GALNT14: variants seen among roughly 807,000 people sequenced by gnomAD.
The protein encoded by GALNT14 is polypeptide N-acetylgalactosaminyltransferase 14.
In GALNT14, 60 loss-of-function variants were observed where a neutral mutation model predicts 77.5. That is an observed-to-expected ratio of 0.77 (90% CI 0.63 to 0.96). The LOEUF (loss-of-function observed/expected upper bound fraction) is 0.96. Among genes scored for constraint, GALNT14 ranks in the 40% least tolerant of loss-of-function variants. The probability of loss-of-function intolerance (pLI) is 0.00; values close to 1 mark genes in which losing one functional copy is unlikely to be tolerated. For synonymous variants in GALNT14, 280 were observed against 281.7 expected, an observed-to-expected ratio of 0.99 and a Z score of 0.06; for missense variants, 710 against 731.0, an observed-to-expected ratio of 0.97 and a Z score of 0.33.
chr2:31,003,360 T>A (rs943726649), intron 1 of GALNT14, among the ~76,000 whole-genome samples: 3 of 152,196 alleles, frequency 2.0e-5, no homozygotes, highest in Non-Finnish European at 4.4e-5. Flanking sequence ...ATGAGTTTAC[T>A]TTTCTGTTCT....
chr2:31,069,977 A>G (rs1463168410), intron 1 of GALNT14, among the ~76,000 whole-genome samples: 1 of 152,074 alleles, frequency 6.6e-6, no homozygotes, highest in Non-Finnish European at 1.5e-5. Flanking sequence ...GAAGAGGAGG[A>G]GGATGGCTTA....
intron 9 of GALNT14, among the ~76,000 whole-genome samples, chr2:30,935,928 GTCA>G (rs1666030322): frequency 6.6e-6 from 1 of 152,170 alleles, no homozygotes; most frequent in African/African-American, 2.4e-5. Context: ...CACCTGCACA[GTCA>G]TCATTTCTGA....
chr2:30,960,996 CACAG>C (rs1667658323), intron 3 of GALNT14, among the ~76,000 whole-genome samples: 1 of 152,344 alleles, frequency 6.6e-6, no homozygotes, highest in African/African-American at 2.4e-5. Flanking sequence ...AGGGCAGGTA[CACAG>C]GTGGCTTCTA....
intron 1 of GALNT14, among the ~76,000 whole-genome samples, chr2:31,130,783 T>A (rs71444481): frequency 8.4e-6 from 1 of 118,634 alleles, no homozygotes; most frequent in Non-Finnish European, 1.7e-5. Context: ...TGTGTGTGTG[T>A]GCGCGCGCAC....
chr2:31,127,168 C>A (rs1678744145), intron 1 of GALNT14, among the ~76,000 whole-genome samples: 1 of 152,144 alleles, frequency 6.6e-6, no homozygotes, highest in African/African-American at 2.4e-5. Flanking sequence ...GCCAGTGCCC[C>A]AAAATGTCCT....
chr2:31,129,599 A>G, intron 1 of GALNT14: 2 of 985,402 alleles, frequency 2.0e-6, no homozygotes, highest in Non-Finnish European at 2.4e-6. Context: ...TAAGCCTGAA[A>G]TACAGGCACC....
At chr2:31,089,286 GA>G (rs1676609014) in intron 1 of GALNT14, among the ~76,000 whole-genome samples, 1 of 152,158 alleles carries the variant, frequency 6.6e-6, no homozygotes, top group African/African-American at 2.4e-5. Context: ...ACTTGAGCTT[GA>G]TGAGACATTC....
At chr2:30,992,603 C>A (rs767049508) in intron 2 of GALNT14, among the ~76,000 whole-genome samples, 2 of 152,174 alleles carry the variant, frequency 1.3e-5, no homozygotes, top group Non-Finnish European at 2.9e-5. Flanking sequence ...AAGAGGCCAC[C>A]CCTGCCCCCA....
At chr2:31,005,402 G>A (rs1041871934) in intron 1 of GALNT14, among the ~76,000 whole-genome samples, 2 of 152,230 alleles carry the variant, frequency 1.3e-5, no homozygotes, top group African/African-American at 2.4e-5. Context: ...TCAGAACCTC[G>A]TGGTCAGTTT....
chr2:30,906,919 G>T (rs59455808), downstream of GALNT14, among the ~76,000 whole-genome samples: 728 of 152,096 alleles, frequency 4.8e-3, 3 homozygotes, highest in African/African-American at 0.016. Flanking sequence ...TCAAAACCAC[G>T]CAACTACATG....
intron 1 of GALNT14, among the ~76,000 whole-genome samples, chr2:31,039,136 T>G (rs975406819): frequency 1.3e-5 from 2 of 152,248 alleles, no homozygotes; most frequent in African/African-American, 4.8e-5. Context: ...TGACAATTTT[T>G]GCCAGTGTTC....
chr2:30,887,395 T>A, the GALNT14 span, among the ~76,000 whole-genome samples: 6 of 152,232 alleles, frequency 3.9e-5, no homozygotes, highest in East Asian at 1.9e-4. Context: ...TTCTTTTTTT[T>A]AATTAATTTT....
chr2:31,034,504 T>C (rs937357447), intron 1 of GALNT14, among the ~76,000 whole-genome samples: 12 of 152,318 alleles, frequency 7.9e-5, no homozygotes, highest in Admixed American at 6.5e-4. Flanking sequence ...CTAGACCCTC[T>C]GGTTCCTAGT....
chr2:30,952,676 G>T (rs112402083), intron 6 of GALNT14, among the ~76,000 whole-genome samples: 32,499 of 147,578 alleles, frequency 0.22, 4,326 homozygotes, highest in East Asian at 0.39. Flanking sequence ...CGAGTTAGTG[G>T]GTGCAGCGCA....
intron 1 of GALNT14, among the ~76,000 whole-genome samples, chr2:31,068,669 C>T (rs1343143220): frequency 6.6e-6 from 1 of 152,148 alleles, no homozygotes; most frequent in Non-Finnish European, 1.5e-5. Context: ...CACCACTGCC[C>T]CGTGCAGACA....
chr2:31,021,668 C>T (rs900984868), intron 1 of GALNT14, among the ~76,000 whole-genome samples: 8 of 152,184 alleles, frequency 5.3e-5, no homozygotes, highest in Non-Finnish European at 1.0e-4. Context: ...TGCATGCTCT[C>T]TATGACCACT....
At chr2:30,909,726 C>A (rs942264684), downstream of GALNT14, among the ~76,000 whole-genome samples, 4 of 151,816 alleles carry the variant, frequency 2.6e-5, no homozygotes, top group African/African-American at 9.7e-5. Flanking sequence ...ACCCAAAGGA[C>A]TATAAATCAT....
chr2:30,986,181 T>C (rs1238428474), intron 2 of GALNT14, among the ~76,000 whole-genome samples: 2 of 152,146 alleles, frequency 1.3e-5, no homozygotes, highest in African/African-American at 4.8e-5. Flanking sequence ...AGCACCGCAC[T>C]GGACAAAGGC....
At chr2:31,035,492 C>T (rs951692414) in intron 1 of GALNT14, among the ~76,000 whole-genome samples, 1 of 151,104 alleles carries the variant, frequency 6.6e-6, no homozygotes, top group African/African-American at 2.4e-5. Flanking sequence ...TCAAGTGTGT[C>T]TCCCAATAGC....
Sources: gnomAD v4.1 joint callset for allele counts (sites outside exome capture counted in the v4.1 genomes callset) on GRCh38, gnomAD v4.1.1 for gene constraint, MANE v1.5 for transcripts, NCBI Gene and HGNC (gene_info 2026-07-23, HGNC 2026-07-21) for gene names.